NEU4: variants seen among roughly 807,000 people sequenced by gnomAD.
NEU4 encodes the protein sialidase-4.
NEU4 carries 7 observed loss-of-function variants against 9.9 expected under a neutral mutation model. The observed-to-expected ratio is 0.71, with a 90% CI of 0.40 to 1.33. The LOEUF (loss-of-function observed/expected upper bound fraction) is 1.33. Ranked by LOEUF, NEU4 falls within the 40% of genes most tolerant of loss-of-function variation. The probability of loss-of-function intolerance (pLI) is 0.01; values close to 1 mark genes in which losing one functional copy is unlikely to be tolerated. For synonymous variants in NEU4, 348 were observed against 316.9 expected, an observed-to-expected ratio of 1.10 and a Z score of -1.04; for missense variants, 717 against 712.6, an observed-to-expected ratio of 1.01 and a Z score of -0.07.
Position 241,816,605 on chromosome 2 carries a change from C to T in NEU4, c.1012C>T (p.Gln338Ter). 6.3e-7 allele frequency: 1 copy of T among 1,587,632 alleles called. No individual in the cohort carries two copies. Among genetic ancestry groups the T allele is most frequent in the Non-Finnish European group, 8.6e-7 (1 of 1,168,664 alleles). ...GCCTGGTGGGCCCTTCAGCCGTCTG[C>T]AGCCTCGGGGGGATGGCCCCAGGCA... ...QVPGGPFSRL[Q>*]PRGDGPRQPG... is the part of the protein sequence containing the mutation. The change falls in exon 4 of 4, where the codon CAG becomes TAG. Residue 338 changes from glutamine (Q) to a stop codon, truncating the protein, a stop_gained. Coordinates refer to ENST00000407683, the MANE Select transcript of NEU4 (RefSeq NM_001167600.3). LOFTEE classifies it low-confidence loss of function (END_TRUNC).
Position 241,816,403 on chromosome 2 carries a change from C to A in NEU4, c.810C>A (p.Pro270=), listed in dbSNP as rs777937036. The change falls in exon 4 of 4, where the codon CCC becomes CCA. Residue 270 remains proline, a synonymous_variant. Transcript: ENST00000407683. ...CCGCAGAGCGCGTGGCTTCCCTGCC[C>A]GAGACTGCCTGGGGCTGCCAGGGCA... is the stretch of plus-strand genomic sequence containing the variant. ...FLPAERVASL[P]ETAWGCQGSI... The A allele has an allele frequency of 9.0e-5, 145 of 1,603,114 alleles. No individual in the cohort carries two copies. The highest frequency in any genetic ancestry group is 1.2e-4 in the Non-Finnish European group (140 of 1,177,362).
chr2:241,812,711 G>A (rs960061151), intron 1 of NEU4, among the ~76,000 whole-genome samples: 7 of 145,320 alleles, frequency 4.8e-5, no homozygotes, highest in African/African-American at 1.9e-4. Context: ...CCCAAGCCAA[G>A]TGTGTGTCAG....
At chr2:241,815,965 T>G (rs1700312211) in intron 3 of NEU4, 86 bp from the exon 4 acceptor site, 2 of 1,332,370 alleles carry the variant, frequency 1.5e-6, no homozygotes. Context: ...CACCAGCCCC[T>G]CCTTCCCCGT....
Position 241,817,093 on chromosome 2 carries a change from A to T in NEU4, c.*45A>T. The stretch of plus-strand genomic sequence containing the variant: ...CATGCCCCTTGGGTGCCTGGGGCAG[A>T]GGGGTGGAATACGTTGGGGTGCCCC... On this transcript the variant is annotated 3_prime_UTR_variant, in exon 4 of 4. Transcript: ENST00000407683. 6.7e-7 allele frequency: 1 copy of T among 1,495,234 alleles called. No homozygotes were observed. Among genetic ancestry groups the T allele is most frequent in the Non-Finnish European group, 8.9e-7 (1 of 1,125,906 alleles). The allele number at this position is 1,495,234 out of a possible 1,614,324, so 92.6% of individuals were successfully genotyped here. A position where few individuals can be genotyped will look rare whatever the true frequency, so the allele number is the denominator to read the frequency against.
intron 1 of NEU4, chr2:241,811,301 C>T (rs1700105272): frequency 3.0e-6 from 4 of 1,313,320 alleles, no homozygotes; most frequent in Non-Finnish European, 3.9e-6. Context: ...CTCTGGGCTT[C>T]AGTGGAGCCG....
intron 1 of NEU4, chr2:241,811,233 T>A: frequency 1.1e-5 from 14 of 1,248,408 alleles, no homozygotes; most frequent in Non-Finnish European, 1.4e-5. Flanking sequence ...GAGGGGAGCC[T>A]GTGCTGGTCC....
intron 3 of NEU4, chr2:241,815,703 C>A: frequency 1.9e-6 from 1 of 536,022 alleles, no homozygotes. Flanking sequence ...CACCTGACCC[C>A]GGCCCGTGGG....
At chr2:241,814,309 C>A in intron 1 of NEU4, 173 bp from the exon 2 acceptor site, 1 of 642,376 alleles carries the variant, frequency 1.6e-6, no homozygotes, top group East Asian at 2.8e-5. Context: ...TGCTCCAGAT[C>A]TGGGGTGAGG....
chr2:241,813,993 CTT>C (rs1042900762), intron 1 of NEU4: 9 of 331,242 alleles, frequency 2.7e-5, no homozygotes, highest in African/African-American at 1.8e-4. Flanking sequence ...GGGCTCACCT[CTT>C]TGTGTCTCTG....
At chr2:241,811,677 A>C in intron 1 of NEU4, 1 of 405,092 alleles carries the variant, frequency 2.5e-6, no homozygotes, top group Non-Finnish European at 4.3e-6. Context: ...AAGAGGTCCC[A>C]CATGCATCTC....
chr2:241,815,406 C>T (rs1036367611), intron 3 of NEU4: 28 of 578,226 alleles, frequency 4.8e-5, no homozygotes, highest in Middle Eastern at 2.8e-4. Context: ...AAATCCCTCT[C>T]CCCAGGACCG....
At chr2:241,813,568 C>G in intron 1 of NEU4, 1 of 1,272,188 alleles carries the variant, frequency 7.9e-7, no homozygotes, top group Non-Finnish European at 1.0e-6. Context: ...GCCCCCTCAC[C>G]CGGGCCCTGC....
rs201063345 is a variant in NEU4, at chr2:241,814,680, G to C, written c.196G>C (p.Val66Leu). The C allele has an allele frequency of 6.5e-7, 1 of 1,548,078 alleles. No individual in the cohort carries two copies. The highest frequency in any genetic ancestry group is 8.7e-7 in the Non-Finnish European group (1 of 1,149,192). The change falls in exon 2 of 4, where the codon GTG becomes CTG. Residue 66 changes from valine to leucine, a missense_variant. Physicochemically the swap from Val to Leu is conservative, Grantham distance 32. Coordinates refer to ENST00000407683, the MANE Select transcript of NEU4 (RefSeq NM_001167600.3). The stretch of plus-strand genomic sequence containing the variant: ...GAGGGGCACGCTGGCCGGGGGCTCC[G>C]TGCGGGTGAGTGAGTGGCCGGGGGC... ...LRRGTLAGGSVRWGALHVLGT... is the reference protein window; with the variant it reads ...LRRGTLAGGSLRWGALHVLGT...
At chr2:241,811,975 C>A (rs1700130610) in intron 1 of NEU4, 1 of 156,038 alleles carries the variant, frequency 6.4e-6, no homozygotes, top group Non-Finnish European at 1.4e-5. Flanking sequence ...AGGGCCTCTG[C>A]ACTTTATGTG....
At chr2:241,815,351 A>G (rs587695640) in intron 3 of NEU4, 5 of 765,348 alleles carry the variant, frequency 6.5e-6, no homozygotes, top group Middle Eastern at 2.5e-4. Context: ...CCCGTCCCAG[A>G]CAAATCCCTC....
rs774261866 is a variant in NEU4, at chr2:241,815,073, C to T, written c.383C>T (p.Ala128Val). ...AACGCCGCGCGCCTCTGCTGTGTGG[C>T]CAGCCGTGACGCCGGCCTCTCGTGG... ...GRNAARLCCVASRDAGLSWGS... is the reference protein window; with the variant it reads ...GRNAARLCCVVSRDAGLSWGS... Residue 128 changes from alanine to valine, a missense_variant, in exon 3 of 4, where the codon GCC becomes GTC. By Grantham distance (64) the Ala-to-Val change is moderately conservative. Transcript: ENST00000407683. The T allele has an allele frequency of 1.5e-5, 24 of 1,580,474 alleles. No individual in the cohort carries two copies. The highest frequency in any genetic ancestry group is 1.8e-5 in the Non-Finnish European group (21 of 1,169,920).
rs767889488 is a variant in NEU4 at position 241,816,736 on chromosome 2, C to T, written c.1143C>T (p.Ser381=). ...AGAGCCCCACGTGGCTGCTGTACTC[C>T]CACCCAGTGGGGCGCAGGGCTCGGC... ...PPQSPTWLLY[S]HPVGRRARLH... The change falls in exon 4 of 4, where the codon TCC becomes TCT. Residue 381 remains serine, a synonymous_variant. Coordinates refer to ENST00000407683, the MANE Select transcript of NEU4 (RefSeq NM_001167600.3). The T allele has an allele frequency of 1.9e-6, 3 of 1,565,804 alleles. No homozygotes were observed. Among genetic ancestry groups the T allele is most frequent in the Admixed American group, 3.8e-5 (2 of 53,310 alleles).
intron 1 of NEU4, chr2:241,813,537 G>A: frequency 1.6e-6 from 2 of 1,253,026 alleles, no homozygotes; most frequent in Non-Finnish European, 2.1e-6. Context: ...GCAACAAGCA[G>A]ACCCCATGCG....
chr2:241,816,502 C>T lies in NEU4; in HGVS notation c.909C>T (p.Pro303=). ...GTTGGTCAGTGGGCCCCGGGAGTCC[C>T]CTCCAGCCTCCACTCCTCGGTCCTG... ...DDSWSVGPGS[P]LQPPLLGPGV... Residue 303 remains proline, a synonymous_variant, in exon 4 of 4, where the codon CCC becomes CCT. Transcript: ENST00000407683. The T allele has an allele frequency of 6.2e-7, 1 of 1,610,516 alleles. No homozygotes were observed.
Sources: gnomAD v4.1 joint callset for allele counts (sites outside exome capture counted in the v4.1 genomes callset) on GRCh38, gnomAD v4.1.1 for gene constraint, MANE v1.5 for transcripts, NCBI Gene and HGNC (gene_info 2026-07-23, HGNC 2026-07-21) for gene names.